Variants in SPAG16 observed in about 807,000 individuals in gnomAD.
The protein encoded by SPAG16 is sperm-associated antigen 16 protein.
A neutral mutation model predicts 80.4 loss-of-function variants in SPAG16; 86 were observed. The ratio of observed to expected loss-of-function variants is 1.07; its 90% confidence interval spans 0.90 to 1.28. SPAG16 has a LOEUF of 1.28. Ranked by LOEUF, SPAG16 falls within the 50% of genes most tolerant of loss-of-function variation. The pLI, the probability that SPAG16 is intolerant of heterozygous loss-of-function variation, is 0.00. For missense variants in SPAG16, 870 were observed against 765.3 expected (o/e 1.14, Z -1.61); for synonymous variants, 294 against 265.9 (o/e 1.11, Z -1.03).
chr2:213,704,711 C>T (rs1444203938), intron 10 of SPAG16, among the ~76,000 whole-genome samples: 1 of 152,142 alleles, frequency 6.6e-6, no homozygotes, highest in Non-Finnish European at 1.5e-5. Flanking sequence ...CATGTTCTCA[C>T]CTAAATGTGG....
intron 10 of SPAG16, among the ~76,000 whole-genome samples, chr2:213,661,820 A>G (rs193121447): frequency 6.6e-6 from 1 of 152,282 alleles, no homozygotes; most frequent in African/African-American, 2.4e-5. Flanking sequence ...CTTATGTTCA[A>G]TTATCAGTGA....
intron 13 of SPAG16, among the ~76,000 whole-genome samples, chr2:214,025,687 T>G (rs1413670538): frequency 1.3e-5 from 2 of 151,590 alleles, no homozygotes; most frequent in African/African-American, 4.8e-5. Flanking sequence ...ACCAGAAAAT[T>G]ATTAGCAATT....
intron 1 of SPAG16, among the ~76,000 whole-genome samples, chr2:213,286,184 G>C (rs74321489): frequency 1.3e-5 from 2 of 152,142 alleles, no homozygotes; most frequent in African/African-American, 4.8e-5. Context: ...ACACTTATTT[G>C]AACTTTAACA....
chr2:213,948,037 T>A (rs551932383), intron 12 of SPAG16, among the ~76,000 whole-genome samples: 25 of 152,248 alleles, frequency 1.6e-4, no homozygotes, highest in Non-Finnish European at 2.4e-4. Context: ...TGCACTTTTT[T>A]AAAATTTTTG....
chr2:213,767,459 G>C (rs949076748), intron 10 of SPAG16, among the ~76,000 whole-genome samples: 1 of 152,018 alleles, frequency 6.6e-6, no homozygotes, highest in African/African-American at 2.4e-5. Context: ...CTTGAGCCCA[G>C]GAGTTCCAGG....
chr2:213,824,770 G>C (rs1003372025), intron 10 of SPAG16, among the ~76,000 whole-genome samples: 13 of 151,730 alleles, frequency 8.6e-5, no homozygotes, highest in African/African-American at 2.7e-4. Context: ...TTTCTTTCTG[G>C]GAAAGTCATT....
chr2:213,815,066 A>T (rs2072437933), intron 10 of SPAG16, among the ~76,000 whole-genome samples: 1 of 152,094 alleles, frequency 6.6e-6, no homozygotes, highest in Non-Finnish European at 1.5e-5. Context: ...ACTTAACCTA[A>T]TTAGCATTTA....
chr2:214,183,056 A>T (rs1031866374), intron 15 of SPAG16, among the ~76,000 whole-genome samples: 2 of 151,954 alleles, frequency 1.3e-5, no homozygotes, highest in Non-Finnish European at 2.9e-5. Context: ...AATACAGTAA[A>T]TTAGTGATAA....
At chr2:213,369,864 T>C (rs1457077297) in intron 8 of SPAG16, among the ~76,000 whole-genome samples, 1 of 152,068 alleles carries the variant, frequency 6.6e-6, no homozygotes, top group Admixed American at 6.6e-5. Context: ...CCCTACCAGA[T>C]TGATACAGTT....
At chr2:213,788,902 G>T (rs2070512020) in intron 10 of SPAG16, among the ~76,000 whole-genome samples, 1 of 151,704 alleles carries the variant, frequency 6.6e-6, no homozygotes, top group Admixed American at 6.6e-5. Context: ...AATTTCCATA[G>T]GTAGAATCTT....
At chr2:213,359,825 GGAAATGCA>G (rs1265735678) in intron 7 of SPAG16, among the ~76,000 whole-genome samples, 5 of 152,120 alleles carry the variant, frequency 3.3e-5, no homozygotes, top group Admixed American at 6.5e-5. Flanking sequence ...CACCTCAGTT[GGAAATGCA>G]GAAATCTGTC....
intron 12 of SPAG16, among the ~76,000 whole-genome samples, chr2:213,966,211 C>T (rs997172249): frequency 2.0e-5 from 3 of 152,128 alleles, no homozygotes; most frequent in East Asian, 3.9e-4. Flanking sequence ...AGCTTCTCTT[C>T]CACTGAGCCT....
rs373232259 is a variant in SPAG16, at chr2:213,534,353, A to G, written c.1070+44263A>G. On this transcript the variant is annotated intron_variant, in intron 10 of 15. Coordinates refer to ENST00000331683, the MANE Select transcript of SPAG16 (RefSeq NM_024532.5). Reference sequence around the variant, plus strand: ...CAATTTCTCGAAAGGTTAAACACACATCTACTTTATTATCTAGCAACTTTA... The same window carrying G: ...CAATTTCTCGAAAGGTTAAACACACGTCTACTTTATTATCTAGCAACTTTA... Among the ~76,000 whole-genome samples, 3 of 152,250 alleles carry G rather than the reference A, an allele frequency of 2.0e-5. No individual in the cohort carries two copies. The South Asian group carries it at 6.2e-4, about 32-fold the overall frequency.
At chr2:213,660,865 T>G (rs2063400343) in intron 10 of SPAG16, among the ~76,000 whole-genome samples, 1 of 152,236 alleles carries the variant, frequency 6.6e-6, no homozygotes, top group Non-Finnish European at 1.5e-5. Context: ...ACTGCTTTCT[T>G]TCAACCCCCA....
At chr2:213,288,442 C>G (rs1052417530) in intron 1 of SPAG16, among the ~76,000 whole-genome samples, 15 of 151,672 alleles carry the variant, frequency 9.9e-5, no homozygotes, top group Non-Finnish European at 2.9e-5. Flanking sequence ...GTAGCTGGGA[C>G]TACAGGCATC....
At chr2:213,499,830 T>C (rs1163881810) in intron 10 of SPAG16, among the ~76,000 whole-genome samples, 1 of 152,050 alleles carries the variant, frequency 6.6e-6, no homozygotes, top group Non-Finnish European at 1.5e-5. Context: ...GAATTCTAGG[T>C]TTCTTACTCT....
At chr2:214,108,334 C>A in intron 14 of SPAG16, 73 bp downstream of exon 14, 2 of 1,269,248 alleles carry the variant, frequency 1.6e-6, no homozygotes, top group Non-Finnish European at 2.2e-6. Flanking sequence ...AAACAAATTT[C>A]CAAGCTAAAA....
chr2:213,468,622 GAT>G (rs1169884856), intron 9 of SPAG16, among the ~76,000 whole-genome samples: 2 of 141,494 alleles, frequency 1.4e-5, no homozygotes, highest in Admixed American at 7.2e-5. Context: ...TATATATAGA[GAT>G]ATATATAAAA....
intron 11 of SPAG16, among the ~76,000 whole-genome samples, chr2:213,914,780 G>A (rs2077870746): frequency 6.6e-6 from 1 of 152,146 alleles, no homozygotes; most frequent in Non-Finnish European, 1.5e-5. Flanking sequence ...CCACATGTAT[G>A]TCTTCTTTTG....
Sources: allele counts gnomAD v4.1 joint callset (sites outside exome capture counted in the v4.1 genomes callset), GRCh38; gene constraint gnomAD v4.1.1; transcripts MANE v1.5; gene names NCBI Gene and HGNC (gene_info 2026-07-23, HGNC 2026-07-21).